Variants in CA10 observed in about 807,000 individuals in gnomAD.
CA10 encodes carbonic anhydrase-related protein 10.
In CA10, 14 loss-of-function variants were observed where a neutral mutation model predicts 44.2. The observed-to-expected ratio is 0.32, with a 90% CI of 0.21 to 0.50. The LOEUF is 0.50. Ranked by LOEUF, CA10 falls within the 20% of genes least tolerant of loss-of-function variation. The probability of loss-of-function intolerance (pLI) is 0.99; values close to 1 mark genes in which losing one functional copy is unlikely to be tolerated. For synonymous variants in CA10, 159 were observed against 141.6 expected (o/e 1.12, Z -0.87); for missense variants, 350 against 409.7 (o/e 0.85, Z 1.26).
intron 2 of CA10, among the ~76,000 whole-genome samples, chr17:51,947,251 A>T (rs1271710079): frequency 2.0e-5 from 3 of 148,454 alleles, no homozygotes; most frequent in Non-Finnish European, 4.5e-5. Context: ...AAAAAAAGCC[A>T]AAAACCTTGT....
At chr17:51,861,159 C>T (rs560553076) in intron 3 of CA10, among the ~76,000 whole-genome samples, 1 of 152,148 alleles carries the variant, frequency 6.6e-6, no homozygotes, top group African/African-American at 2.4e-5. Context: ...CTAAAGGAGA[C>T]TGCGAGGCCA....
At chr17:51,779,711 T>A (rs937591269) in intron 3 of CA10, among the ~76,000 whole-genome samples, 1 of 152,220 alleles carries the variant, frequency 6.6e-6, no homozygotes, top group African/African-American at 2.4e-5. Context: ...TGCAGCTGTT[T>A]GTGAAACACA....
rs1989868168 is a variant in CA10, at chr17:52,158,512, T to A, written c.-726A>T. The A allele has an allele frequency of 1.3e-5, 2 of 154,482 alleles. No homozygotes were observed. Among genetic ancestry groups the A allele is most frequent in the African/African-American group, 4.8e-5 (2 of 41,406 alleles). 9.6% of individuals were successfully genotyped at this position (154,482 alleles called of 1,614,324 possible). On this transcript the variant is annotated 5_prime_UTR_variant, in exon 1 of 9. Transcript: ENST00000451037. ...AGGTCCGCGCGCAGCCTGCAGCCTC[T>A]CAGCCGGGTTCCGGCAGTGCGTCCA...
chr17:52,033,419 A>G, intron 2 of CA10, among the ~76,000 whole-genome samples: 1 of 152,204 alleles, frequency 6.6e-6, no homozygotes, highest in East Asian at 1.9e-4. Context: ...CCGGAAGTCA[A>G]ATTCCTGATA....
intron 2 of CA10, among the ~76,000 whole-genome samples, chr17:51,936,995 T>A (rs1982893648): frequency 6.6e-6 from 1 of 152,178 alleles, no homozygotes; most frequent in Non-Finnish European, 1.5e-5. Flanking sequence ...GAACTAGTGC[T>A]TTACAAGCCA....
At chr17:52,114,870 G>A (rs912010761) in intron 1 of CA10, among the ~76,000 whole-genome samples, 1 of 152,180 alleles carries the variant, frequency 6.6e-6, no homozygotes, top group Admixed American at 6.5e-5. Context: ...GTTGACCAAT[G>A]TCAGTGATTC....
intron 3 of CA10, among the ~76,000 whole-genome samples, chr17:51,876,074 T>A (rs1980058808): frequency 6.6e-6 from 1 of 151,998 alleles, no homozygotes; most frequent in South Asian, 2.1e-4. Context: ...ATGAGAGTTG[T>A]CTCCAGTTGT....
intron 2 of CA10, among the ~76,000 whole-genome samples, chr17:52,024,875 T>C (rs969525599): frequency 1.3e-5 from 2 of 151,912 alleles, no homozygotes; most frequent in South Asian, 4.1e-4. Context: ...GTGTTTAAGA[T>C]ATTGATGATT....
intron 2 of CA10, among the ~76,000 whole-genome samples, chr17:51,952,024 T>C (rs1382976828): frequency 6.6e-6 from 1 of 152,210 alleles, no homozygotes. Context: ...ATTGTGATGT[T>C]CAAACAGTCT....
chr17:51,868,010 G>C (rs1979627612), intron 3 of CA10, among the ~76,000 whole-genome samples: 1 of 150,672 alleles, frequency 6.6e-6, no homozygotes, highest in Non-Finnish European at 1.5e-5. Flanking sequence ...AATAAGCCTA[G>C]GTTTTCTTTA....
intron 4 of CA10, among the ~76,000 whole-genome samples, chr17:51,693,714 G>A (rs1447032644): frequency 6.6e-6 from 1 of 152,040 alleles, no homozygotes; most frequent in Non-Finnish European, 1.5e-5. Flanking sequence ...TGGTGTATAT[G>A]TACCATATTT....
chr17:52,077,205 T>C (rs1399023877), intron 1 of CA10, among the ~76,000 whole-genome samples: 1 of 152,200 alleles, frequency 6.6e-6, no homozygotes, highest in East Asian at 1.9e-4. Flanking sequence ...ATAATTCTAC[T>C]TCTGAATGAA....
intron 2 of CA10, among the ~76,000 whole-genome samples, chr17:52,036,154 G>T (rs1353272380): frequency 2.0e-5 from 3 of 152,140 alleles, no homozygotes; most frequent in Non-Finnish European, 4.4e-5. Context: ...GGTGTCCACC[G>T]TTATAATGTA....
intron 1 of CA10, among the ~76,000 whole-genome samples, chr17:52,120,792 C>T (rs1416747695): frequency 1.3e-5 from 2 of 152,060 alleles, no homozygotes; most frequent in Admixed American, 1.3e-4. Context: ...GCCTGGTATT[C>T]GATCTGTGAG....
chr17:51,955,437 C>T (rs780834076), intron 2 of CA10, among the ~76,000 whole-genome samples: 4 of 152,160 alleles, frequency 2.6e-5, no homozygotes, highest in Non-Finnish European at 5.9e-5. Context: ...TTTTCTGCTC[C>T]ACTTCTCCAG....
intron 3 of CA10, among the ~76,000 whole-genome samples, chr17:51,902,518 C>G (rs1348457331): frequency 2.0e-5 from 3 of 152,120 alleles, no homozygotes; most frequent in African/African-American, 4.8e-5. Context: ...GCATAGTTAC[C>G]TGCCAAGGCC....
At chr17:51,729,456 G>T (rs979478918) in intron 4 of CA10, among the ~76,000 whole-genome samples, 1 of 152,158 alleles carries the variant, frequency 6.6e-6, no homozygotes, top group Admixed American at 6.5e-5. Flanking sequence ...GAAGCCCACT[G>T]CATATGGACT....
At chr17:52,115,715 G>A (rs867515803) in intron 1 of CA10, among the ~76,000 whole-genome samples, 1 of 152,206 alleles carries the variant, frequency 6.6e-6, no homozygotes, top group African/African-American at 2.4e-5. Context: ...GGCCCTGCGT[G>A]GCTGGCTGGC....
At chr17:52,064,539 T>C (rs1265081585) in intron 2 of CA10, among the ~76,000 whole-genome samples, 1 of 149,162 alleles carries the variant, frequency 6.7e-6, no homozygotes, top group Admixed American at 6.7e-5. Flanking sequence ...AAGAAGAGCT[T>C]ACACTCCTTA....
Sources: allele counts gnomAD v4.1 joint callset (sites outside exome capture counted in the v4.1 genomes callset), GRCh38; gene constraint gnomAD v4.1.1; transcripts MANE v1.5; gene names NCBI Gene and HGNC (gene_info 2026-07-23, HGNC 2026-07-21).